The following COL26A1 variants were observed in gnomAD, a reference collection of about 807,000 sequenced individuals.
The protein encoded by COL26A1 is collagen alpha-1(XXVI) chain.
In COL26A1, 41 loss-of-function variants were observed where a neutral mutation model predicts 59.3. That is an observed-to-expected ratio of 0.69 (90% CI 0.54 to 0.90). The LOEUF (loss-of-function observed/expected upper bound fraction) is 0.90. COL26A1 is among the 40% of genes least tolerant of loss of function. The probability of loss-of-function intolerance (pLI) is 0.00; values close to 1 mark genes in which losing one functional copy is unlikely to be tolerated. For synonymous variants in COL26A1, 266 were observed against 256.0 expected (o/e 1.04, Z -0.37); for missense variants, 612 against 602.3 (o/e 1.02, Z -0.17).
intron 1 of COL26A1, among the ~76,000 whole-genome samples, chr7:101,367,831 G>A (rs779830077): frequency 6.6e-5 from 10 of 152,124 alleles, no homozygotes; most frequent in Non-Finnish European, 1.5e-4. Context: ...CAGCCTCCAG[G>A]GCTATGAGAA....
At chr7:101,387,778 A>ATATATTTTTT (rs773025730) in intron 1 of COL26A1, among the ~76,000 whole-genome samples, 67 of 84,796 alleles carry the variant, frequency 7.9e-4, no homozygotes, top group African/African-American at 3.0e-3. Flanking sequence ...ATATATATAT[A>ATATATTTTTT]TTTTTTTTTA....
chr7:101,381,514 T>C (rs1448550110), intron 1 of COL26A1, among the ~76,000 whole-genome samples: 1 of 152,174 alleles, frequency 6.6e-6, no homozygotes, highest in Admixed American at 6.6e-5. Context: ...TATTGGCTCA[T>C]GGCTCTGGAG....
chr7:101,471,567 G>GTTGTTT lies in COL26A1; in HGVS notation c.385+23782_385+23783insGTTTTT, dbSNP rs1485332913. The stretch of plus-strand genomic sequence containing the variant: ...ATAATGTTTTGTTGTTGTTGTTGTT[G>GTTGTTT]TTTGTTTTTTTTTTTTTTTTTTTTT... On this transcript the variant is annotated intron_variant, in intron 3 of 12. Coordinates refer to ENST00000313669, the MANE Select transcript of COL26A1 (RefSeq NM_001278563.3). Among the ~76,000 whole-genome samples, 226 of 112,400 alleles carry GTTGTTT rather than the reference G, an allele frequency of 2.0e-3. 4 individuals carry two copies. The highest frequency in any genetic ancestry group is 7.7e-3 in the African/African-American group (220 of 28,422). The allele number at this position is 112,400 out of a possible 152,430, so 73.7% of individuals were successfully genotyped here. A position where few individuals can be genotyped will look rare whatever the true frequency, so the allele number is the denominator to read the frequency against.
intron 2 of COL26A1, among the ~76,000 whole-genome samples, chr7:101,442,408 C>T (rs1793081072): frequency 6.6e-6 from 1 of 151,050 alleles, no homozygotes; most frequent in Non-Finnish European, 1.5e-5. Context: ...CTCACTGCAA[C>T]CTCCGCCTCC....
At chr7:101,468,189 G>C (rs1346371168) in intron 3 of COL26A1, among the ~76,000 whole-genome samples, 1 of 151,680 alleles carries the variant, frequency 6.6e-6, no homozygotes, top group Non-Finnish European at 1.5e-5. Flanking sequence ...TGTAATCCCA[G>C]CTACTCAGGA....
intron 4 of COL26A1, among the ~76,000 whole-genome samples, chr7:101,534,349 G>A (rs1025755817): frequency 2.0e-5 from 3 of 152,122 alleles, no homozygotes; most frequent in African/African-American, 4.8e-5. Context: ...CCCTAGAAGA[G>A]AGCAGGGCCA....
chr7:101,533,224 G>A (rs1476655), intron 4 of COL26A1, 81 bp downstream of exon 4: 351,675 of 1,022,324 alleles, frequency 0.34, 63,837 homozygotes, highest in Middle Eastern at 0.38. Flanking sequence ...GCAACCACTG[G>A]GTGTGGCCGT....
At chr7:101,375,364 G>A (rs2117015938) in intron 1 of COL26A1, among the ~76,000 whole-genome samples, 1 of 152,168 alleles carries the variant, frequency 6.6e-6, no homozygotes, top group Non-Finnish European at 1.5e-5. Context: ...TGCTGATGGG[G>A]ACTTGGCAAA....
At chr7:101,550,628 G>A (rs567721929) in intron 9 of COL26A1, among the ~76,000 whole-genome samples, 1 of 152,030 alleles carries the variant, frequency 6.6e-6, no homozygotes, top group Admixed American at 6.5e-5. Flanking sequence ...CCTGAGAAGG[G>A]GAGGCTTCGG....
rs12536976 is a variant in COL26A1 at position 101,557,185 on chromosome 7, G to A, written c.1166-185G>A. 3.5e-3 allele frequency among the ~76,000 whole-genome samples: 540 copies of A among 152,278 alleles called. 3 individuals are homozygous for A. The highest frequency in any genetic ancestry group is 0.012 in the African/African-American group (517 of 41,554). Reference sequence around the variant, plus strand: ...AATGGACAGGTGGATGGGTGAATGAGTGAATGAATGGATGGATGCATGGAT... The same window carrying A: ...AATGGACAGGTGGATGGGTGAATGAATGAATGAATGGATGGATGCATGGAT... On this transcript the variant is annotated intron_variant, in intron 12 of 12. Transcript: ENST00000313669.
chr7:101,377,304 G>A (rs1483575601), intron 1 of COL26A1, among the ~76,000 whole-genome samples: 4 of 151,900 alleles, frequency 2.6e-5, no homozygotes, highest in African/African-American at 4.8e-5. Context: ...CACTGTGCCC[G>A]GCTGAGGATT....
intron 3 of COL26A1, among the ~76,000 whole-genome samples, chr7:101,450,197 GTT>G (rs1248904203): frequency 1.3e-5 from 2 of 151,962 alleles, no homozygotes; most frequent in African/African-American, 4.8e-5. Context: ...GCACAGGAGA[GTT>G]TCATGTATGG....
chr7:101,373,202 G>A (rs1430408425), intron 1 of COL26A1, among the ~76,000 whole-genome samples: 10 of 152,270 alleles, frequency 6.6e-5, no homozygotes, highest in Admixed American at 3.9e-4. Context: ...TGGAGCAGGG[G>A]AGAAGGGAGT....
intron 2 of COL26A1, among the ~76,000 whole-genome samples, chr7:101,436,934 G>C (rs1471270848): frequency 6.6e-6 from 1 of 151,962 alleles, no homozygotes; most frequent in Non-Finnish European, 1.5e-5. Context: ...GGCTGGTCTC[G>C]AATTCCTGAC....
chr7:101,411,726 C>G (rs151182237), intron 1 of COL26A1, among the ~76,000 whole-genome samples: 3,426 of 152,130 alleles, frequency 0.023, 51 homozygotes, highest in Middle Eastern at 0.034. Context: ...TCTAGGCAAG[C>G]AGGCAGGCAC....
intron 3 of COL26A1, among the ~76,000 whole-genome samples, chr7:101,505,982 C>T (rs533914197): frequency 6.6e-6 from 1 of 152,320 alleles, no homozygotes; most frequent in South Asian, 2.1e-4. Flanking sequence ...TCCCTCCCAG[C>T]TCGTTACACC....
chr7:101,486,100 G>C (rs916987520), intron 3 of COL26A1, among the ~76,000 whole-genome samples: 5 of 152,020 alleles, frequency 3.3e-5, no homozygotes, highest in Admixed American at 1.3e-4. Flanking sequence ...TTGAACCTGA[G>C]AGGCAGAGGT....
intron 3 of COL26A1, among the ~76,000 whole-genome samples, chr7:101,488,952 C>T (rs79022082): frequency 9.2e-5 from 14 of 152,130 alleles, no homozygotes; most frequent in East Asian, 3.9e-4. Flanking sequence ...TAATTGTGTC[C>T]GGTGGAATGC....
chr7:101,516,396 C>T (rs893899121), intron 3 of COL26A1, among the ~76,000 whole-genome samples: 5 of 151,978 alleles, frequency 3.3e-5, no homozygotes, highest in African/African-American at 7.2e-5. Context: ...CTCAGCCTCT[C>T]GAATAGCCGG....
Sources: allele counts gnomAD v4.1 joint callset (sites outside exome capture counted in the v4.1 genomes callset), GRCh38; gene constraint gnomAD v4.1.1; transcripts MANE v1.5; gene names NCBI Gene and HGNC (gene_info 2026-07-23, HGNC 2026-07-21).